STIL: variants seen among roughly 807,000 people sequenced by gnomAD.
STIL encodes the protein STIL centriolar assembly protein.
Under a neutral mutation model 110.1 loss-of-function variants are expected in STIL, and 55 were observed. The observed-to-expected ratio is 0.50, with a 90% CI of 0.40 to 0.63. STIL has a LOEUF of 0.63. Ranked by LOEUF, STIL falls within the 20% of genes least tolerant of loss-of-function variation. The probability of loss-of-function intolerance (pLI) is 0.00; values close to 1 mark genes in which losing one functional copy is unlikely to be tolerated. For synonymous variants in STIL, 481 were observed against 530.0 expected, an observed-to-expected ratio of 0.91 and a Z score of 1.27; for missense variants, 1,358 against 1,530.0, an observed-to-expected ratio of 0.89 and a Z score of 1.87.
intron 2 of STIL, 44 bp from the exon 3 acceptor site, chr1:47,305,040 A>ATTC (rs759284440): frequency 7.2e-7 from 1 of 1,387,420 alleles, no homozygotes; most frequent in African/African-American, 1.4e-5. Flanking sequence ...GGAATAGCAA[A>ATTC]CTTGGTAGAC....
rs1221609916 is a variant in STIL at position 47,275,474 on chromosome 1, G to A, written c.2218-3233C>T. ...ATACAAAAAATTAGCCCGGCTTGGT[G>A]GCCAACGCCTGTAGTCCCAGCTACT... On this transcript the variant is annotated intron_variant, in intron 12 of 16. Coordinates refer to ENST00000371877, the MANE Select transcript of STIL (RefSeq NM_001048166.1). 2.6e-5 allele frequency among the ~76,000 whole-genome samples: 4 copies of A among 151,930 alleles called. No individual in the cohort carries two copies. The East Asian group carries it at 7.8e-4, about 29-fold the overall frequency.
At chr1:47,298,274 C>G (rs938618130) in intron 6 of STIL, among the ~76,000 whole-genome samples, 3 of 152,138 alleles carry the variant, frequency 2.0e-5, no homozygotes, top group Admixed American at 6.5e-5. Context: ...AGTCTCTGGT[C>G]AAACTTTAAA....
intron 10 of STIL, among the ~76,000 whole-genome samples, chr1:47,286,017 G>A (rs182354089): frequency 1.3e-5 from 2 of 151,800 alleles, no homozygotes; most frequent in Admixed American, 1.3e-4. Flanking sequence ...TGGGATTACA[G>A]GCACGCTCCA....
chr1:47,250,521 C>A lies in STIL; in HGVS notation c.*615G>T, dbSNP rs1424027640. On this transcript the variant is annotated 3_prime_UTR_variant, in exon 17 of 17. Transcript: ENST00000371877. ...GCAGAGATGCAACATGCTGGAACTTCTTAAAATATACAGTATAGCTGGGCG... is the reference window on the plus strand; with the variant it reads ...GCAGAGATGCAACATGCTGGAACTTATTAAAATATACAGTATAGCTGGGCG... 2 of 161,850 alleles carry A rather than the reference C, an allele frequency of 1.2e-5. No individual in the cohort carries two copies. The highest frequency in any genetic ancestry group is 4.8e-5 in the African/African-American group (2 of 41,718). The allele number at this position is 161,850 out of a possible 1,614,324, so 10.0% of individuals were successfully genotyped here.
At chr1:47,274,249 T>C (rs2981630) in intron 12 of STIL, among the ~76,000 whole-genome samples, 19 of 152,352 alleles carry the variant, frequency 1.2e-4, no homozygotes, top group African/African-American at 3.1e-4. Flanking sequence ...AATTGATCAC[T>C]CAGTGTTTTT....
chr1:47,289,955 A>AAAAAAAAAAAAAAAAAAAAAC (rs1557753515), intron 8 of STIL, among the ~76,000 whole-genome samples: 1 of 149,870 alleles, frequency 6.7e-6, no homozygotes. Context: ...AAAAAAAAAA[A>AAAAAAAAAAAAAAAAAAAAAC]AAAGGAATAA....
At chr1:47,275,401 G>T (rs1644962796) in intron 12 of STIL, among the ~76,000 whole-genome samples, 1 of 151,704 alleles carries the variant, frequency 6.6e-6, no homozygotes, top group Non-Finnish European at 1.5e-5. Context: ...AAGGTCAGGA[G>T]ATCAAGACCA....
At chr1:47,314,843 G>C (rs1322545458), upstream of STIL, among the ~76,000 whole-genome samples, 3 of 150,986 alleles carry the variant, frequency 2.0e-5, no homozygotes, top group Non-Finnish European at 4.4e-5. Context: ...TCCTGTCTCA[G>C]CTTCCCAATT....
At chr1:47,263,241 G>T in intron 14 of STIL, 125 bp from the exon 15 acceptor site, 1 of 880,972 alleles carries the variant, frequency 1.1e-6, no homozygotes, top group Non-Finnish European at 1.8e-6. Context: ...TCTTAGTGAT[G>T]ATGCTACATA....
In STIL at chr1:47,302,291, T is replaced by C. The variant is rs1469983294; in HGVS notation, c.208A>G (p.Lys70Glu). The C allele has an allele frequency of 6.2e-7, 1 of 1,614,122 alleles. No individual in the cohort carries two copies. Among genetic ancestry groups the C allele is most frequent in the African/African-American group, 1.3e-5 (1 of 75,022 alleles). Reference sequence around the variant, plus strand: ...CATGACGAATTTTTTTTATTCTGCTTAGCATGACGATAAGCAAGTCGGATG... The same window carrying C: ...CATGACGAATTTTTTTTATTCTGCTCAGCATGACGATAAGCAAGTCGGATG... ...KTIRLAYRHA[K>E]QNKKNSSCFL... Residue 70 changes from lysine (K) to glutamate (E), a missense_variant, in exon 4 of 17, where the codon AAG becomes GAG. Lys to Glu is a moderately conservative substitution (Grantham distance 56). Transcript: ENST00000371877.
At chr1:47,294,548 GATGGCCGGTGCCTGTAGTCCTAGCT>G (rs1343943439) in intron 7 of STIL, among the ~76,000 whole-genome samples, 3 of 152,248 alleles carry the variant, frequency 2.0e-5, no homozygotes, top group African/African-American at 7.2e-5. Context: ...AGCCAGGCGT[GATGGCCGGTGCCTGTAGTCCTAGCT>G]ATTCAGGAGG....
At chr1:47,281,475 T>A (rs1457590591) in intron 11 of STIL, among the ~76,000 whole-genome samples, 1 of 152,212 alleles carries the variant, frequency 6.6e-6, no homozygotes, top group Non-Finnish European at 1.5e-5. Flanking sequence ...GGAACTCTTT[T>A]TATTAAAACA....
intron 5 of STIL, among the ~76,000 whole-genome samples, chr1:47,301,203 G>A (rs1040146076): frequency 1.3e-5 from 2 of 152,024 alleles, no homozygotes; most frequent in Non-Finnish European, 2.9e-5. Context: ...TCAGCTTCCC[G>A]AAGTGTTGGG....
Position 47,260,467 on chromosome 1 carries a change from T to A in STIL, c.2902A>T (p.Ser968Cys). The change falls in exon 16 of 17, where the codon AGT (serine) becomes TGT (cysteine). Residue 968 changes from serine (S) to cysteine (C), a missense_variant. Ser to Cys is a moderately radical substitution (Grantham distance 112). Coordinates refer to ENST00000371877, the MANE Select transcript of STIL (RefSeq NM_001048166.1). ...TTTTGGGTTCTGGTGCATTCATGAC[T>A]GATAATTACTGCTTTGGTAGACGGC... is the stretch of plus-strand genomic sequence containing the variant. Reference protein sequence around the residue: ...EQPSTKAVIISHECTRTQNVY... With the variant: ...EQPSTKAVIICHECTRTQNVY... 6.2e-7 allele frequency: 1 copy of A among 1,614,216 alleles called. No individual in the cohort carries two copies. Among genetic ancestry groups the A allele is most frequent in the East Asian group, 2.2e-5 (1 of 44,884 alleles).
At chr1:47,271,297 A>G (rs893495038) in intron 13 of STIL, among the ~76,000 whole-genome samples, 1 of 152,168 alleles carries the variant, frequency 6.6e-6, no homozygotes, top group Non-Finnish European at 1.5e-5. Context: ...GCCTGGGCAC[A>G]GTGGCTCATG....
intron 2 of STIL, among the ~76,000 whole-genome samples, chr1:47,308,885 C>T (rs987782285): frequency 3.3e-5 from 5 of 152,050 alleles, no homozygotes; most frequent in African/African-American, 1.2e-4. Flanking sequence ...GAAACCCCGT[C>T]TCTACTAAAA....
chr1:47,287,534 A>C lies in STIL; in HGVS notation c.1133+17T>G. 1 of 1,537,092 alleles carries C rather than the reference A, an allele frequency of 6.5e-7. No individual in the cohort carries two copies. The highest frequency in any genetic ancestry group is 1.2e-5 in the South Asian group (1 of 85,794). ...TTTTTAAAAAAACACACACATAATAACAAAAAGATCTTTTACCTCTTAATT... is the reference window on the plus strand; with the variant it reads ...TTTTTAAAAAAACACACACATAATACCAAAAAGATCTTTTACCTCTTAATT... On this transcript the variant is annotated intron_variant, in intron 10 of 16. Coordinates refer to ENST00000371877, the MANE Select transcript of STIL (RefSeq NM_001048166.1).
intron 1 of STIL, among the ~76,000 whole-genome samples, chr1:47,311,672 T>G (rs1389750505): frequency 2.0e-5 from 3 of 152,202 alleles, no homozygotes; most frequent in Non-Finnish European, 4.4e-5. Context: ...AGTCCTTTCT[T>G]TAGAGTTCAG....
chr1:47,275,333 G>A (rs1171178602), intron 12 of STIL, among the ~76,000 whole-genome samples: 1 of 151,098 alleles, frequency 6.6e-6, no homozygotes, highest in East Asian at 1.9e-4. Context: ...TTTTTGCTGG[G>A]CGCGGTGGCT....
Sources: gnomAD v4.1 joint callset for allele counts (sites outside exome capture counted in the v4.1 genomes callset) on GRCh38, gnomAD v4.1.1 for gene constraint, MANE v1.5 for transcripts, NCBI Gene and HGNC (gene_info 2026-07-23, HGNC 2026-07-21) for gene names.